MAPK10: variants seen among roughly 807,000 people sequenced by gnomAD.
MAPK10 encodes the protein JNK3 alpha protein kinase.
MAPK10 carries 25 observed loss-of-function variants against 59.3 expected under a neutral mutation model. That is an observed-to-expected ratio of 0.42 (90% CI 0.31 to 0.59). The LOEUF (loss-of-function observed/expected upper bound fraction) is 0.59. Among genes scored for constraint, MAPK10 ranks in the 20% least tolerant of loss-of-function variants. The pLI is 0.15. For synonymous variants in MAPK10, 190 were observed against 200.5 expected (o/e 0.95, Z 0.44); for missense variants, 351 against 568.9 (o/e 0.62, Z 3.90).
At chr4:86,567,212 A>G (rs1761118323) in intron 1 of MAPK10, among the ~76,000 whole-genome samples, 1 of 149,474 alleles carries the variant, frequency 6.7e-6, no homozygotes, top group Non-Finnish European at 1.5e-5. Flanking sequence ...AGTATGAAAT[A>G]TTAGTTCTAA....
chr4:86,448,927 T>C (rs764441198), intron 1 of MAPK10, among the ~76,000 whole-genome samples: 8 of 152,164 alleles, frequency 5.3e-5, no homozygotes, highest in Non-Finnish European at 1.2e-4. Context: ...TAGATTCTTA[T>C]AGGTAGCGTG....
At chr4:86,042,231 C>A (rs938456657) in intron 11 of MAPK10, among the ~76,000 whole-genome samples, 3 of 152,176 alleles carry the variant, frequency 2.0e-5, no homozygotes, top group Non-Finnish European at 4.4e-5. Context: ...GAACAAAAAA[C>A]CAAACACTGC....
chr4:86,442,663 T>C (rs1233965695), intron 1 of MAPK10, among the ~76,000 whole-genome samples: 1 of 152,192 alleles, frequency 6.6e-6, no homozygotes, highest in Non-Finnish European at 1.5e-5. Flanking sequence ...TATAGTATTG[T>C]TGTGTATCAT....
At chr4:86,404,966 C>G (rs1004609846) in intron 1 of MAPK10, among the ~76,000 whole-genome samples, 2 of 152,176 alleles carry the variant, frequency 1.3e-5, no homozygotes, top group African/African-American at 4.8e-5. Flanking sequence ...ATCTACTTCA[C>G]AGAATGATTT....
At chr4:86,069,641 T>C (rs2047407414) in intron 9 of MAPK10, among the ~76,000 whole-genome samples, 1 of 152,114 alleles carries the variant, frequency 6.6e-6, no homozygotes, top group Non-Finnish European at 1.5e-5. Flanking sequence ...TAAGTGCTTG[T>C]CATTATAAAT....
chr4:86,125,893 T>G (rs2059999147), intron 4 of MAPK10: 1 of 152,096 alleles, frequency 6.6e-6, no homozygotes. Flanking sequence ...ATTAATGACC[T>G]AAAGACATTA....
intron 2 of MAPK10, among the ~76,000 whole-genome samples, chr4:86,324,807 C>T (rs1329202182): frequency 4.6e-5 from 7 of 152,146 alleles, no homozygotes; most frequent in Admixed American, 2.0e-4. Context: ...CCTCTACTTA[C>T]AATCTAGGTG....
chr4:86,376,790 T>A (rs1164290302), intron 1 of MAPK10, among the ~76,000 whole-genome samples: 2 of 152,224 alleles, frequency 1.3e-5, no homozygotes, highest in Non-Finnish European at 2.9e-5. Context: ...CATTCTGACA[T>A]GTCTTTTGAA....
intron 2 of MAPK10, among the ~76,000 whole-genome samples, chr4:86,264,391 C>A (rs980161223): frequency 6.6e-6 from 1 of 152,172 alleles, no homozygotes; most frequent in Non-Finnish European, 1.5e-5. Context: ...CACCCAAGAA[C>A]AAGAAGAGAC....
intron 2 of MAPK10, among the ~76,000 whole-genome samples, chr4:86,302,494 C>T (rs572238667): frequency 6.0e-4 from 92 of 152,340 alleles, no homozygotes; most frequent in Non-Finnish European, 1.2e-3. Context: ...CTGACAGAAA[C>T]TGGCCTCTGT....
chr4:86,575,950 A>T lies in MAPK10; in HGVS notation c.-263+17960T>A, dbSNP rs142352570. On this transcript the variant is annotated intron_variant, in intron 1 of 4. Transcript: ENST00000502302. ...TCACTGTCACCTTCAAAGAGATGAG[A>T]GAAGATATTGTATGCTAGGTAACAT... 1.1e-3 allele frequency among the ~76,000 whole-genome samples: 174 copies of T among 151,954 alleles called. 2 individuals are homozygous for T. Among genetic ancestry groups the T allele is most frequent in the African/African-American group, 4.0e-3 (166 of 41,484 alleles).
intron 1 of MAPK10, among the ~76,000 whole-genome samples, chr4:86,494,982 T>C (rs1252447023): frequency 2.0e-5 from 3 of 151,414 alleles, no homozygotes; most frequent in Non-Finnish European, 4.4e-5. Context: ...GCTTATTTCA[T>C]GGTGTCTTCC....
chr4:86,292,492 G>A (rs750959417), intron 2 of MAPK10, among the ~76,000 whole-genome samples: 1 of 152,108 alleles, frequency 6.6e-6, no homozygotes, highest in Non-Finnish European at 1.5e-5. Context: ...CGAGGTGGGA[G>A]GACAGCTTGA....
rs544221165 is a variant in MAPK10, at chr4:86,492,577, C to T, written c.-263+101333G>A. 4.6e-5 allele frequency among the ~76,000 whole-genome samples: 7 copies of T among 152,210 alleles called. 1 individual carries two copies. Among genetic ancestry groups the T allele is most frequent in the Non-Finnish European group, 5.9e-5 (4 of 68,020 alleles). On this transcript the variant is annotated intron_variant, in intron 1 of 4. Coordinates refer to the MAPK10 transcript ENST00000502302. ...CTTGATTTCAGTAGGCCTTAGTTTTCGTATTTGTAAAGTGAGAATAATTTT... is the reference window on the plus strand; with the variant it reads ...CTTGATTTCAGTAGGCCTTAGTTTTTGTATTTGTAAAGTGAGAATAATTTT...
intron 8 of MAPK10, chr4:86,100,676 A>G (rs2055184057): frequency 6.2e-6 from 1 of 162,072 alleles, no homozygotes; most frequent in Non-Finnish European, 1.4e-5. Context: ...TAAAAGCCAC[A>G]TGGCTAACTG....
intron 1 of MAPK10, among the ~76,000 whole-genome samples, chr4:86,554,569 A>G (rs1289562134): frequency 6.6e-6 from 1 of 152,208 alleles, no homozygotes; most frequent in Non-Finnish European, 1.5e-5. Context: ...TCAGAAATAT[A>G]TAAAAAATCT....
At chr4:86,171,594 T>G (rs936060818) in intron 3 of MAPK10, among the ~76,000 whole-genome samples, 18 of 152,296 alleles carry the variant, frequency 1.2e-4, no homozygotes, top group African/African-American at 4.3e-4. Context: ...GATTAAAGAC[T>G]TAAATGTTAG....
chr4:86,563,173 T>C (rs1485118937), intron 1 of MAPK10, among the ~76,000 whole-genome samples: 2 of 152,156 alleles, frequency 1.3e-5, no homozygotes, highest in Admixed American at 6.5e-5. Flanking sequence ...AGAGCAAATA[T>C]GTAGGTAGAG....
At chr4:86,372,058 C>T (rs1435408740) in intron 1 of MAPK10, among the ~76,000 whole-genome samples, 1 of 152,092 alleles carries the variant, frequency 6.6e-6, no homozygotes, top group Non-Finnish European at 1.5e-5. Context: ...GAACTCTCCA[C>T]CCCCAAATCA....
Sources: gnomAD v4.1 joint callset for allele counts (sites outside exome capture counted in the v4.1 genomes callset) on GRCh38, gnomAD v4.1.1 for gene constraint, MANE v1.5 for transcripts, NCBI Gene and HGNC (gene_info 2026-07-23, HGNC 2026-07-21) for gene names.